SIK3: variants seen among roughly 807,000 people sequenced by gnomAD.
The protein encoded by SIK3 is SIK family kinase 3.
A neutral mutation model predicts 144.2 loss-of-function variants in SIK3; 28 were observed. The ratio of observed to expected loss-of-function variants is 0.19; its 90% CI spans 0.14 to 0.27. The LOEUF (loss-of-function observed/expected upper bound fraction) is 0.27, where lower values mean the gene tolerates loss of function less well. SIK3 is among the 10% of genes least tolerant of loss of function. The probability of loss-of-function intolerance (pLI) is 1.00; values close to 1 mark genes in which losing one functional copy is unlikely to be tolerated. For synonymous variants in SIK3, 686 were observed against 676.3 expected, an observed-to-expected ratio of 1.01 and a Z score of -0.22; for missense variants, 1,319 against 1,776.0, an observed-to-expected ratio of 0.74 and a Z score of 4.62.
chr11:116,901,381 C>G (rs905290051), intron 4 of SIK3, among the ~76,000 whole-genome samples: 2 of 152,160 alleles, frequency 1.3e-5, no homozygotes, highest in African/African-American at 4.8e-5. Context: ...CTGACAATGG[C>G]AGCTGGCCAG....
chr11:116,856,972 G>C (rs1290300238), intron 21 of SIK3: 1 of 152,168 alleles, frequency 6.6e-6, no homozygotes, highest in Middle Eastern at 3.2e-3. Flanking sequence ...GTGAGGAGTG[G>C]TAAATTGCAA....
intron 1 of SIK3, among the ~76,000 whole-genome samples, chr11:117,029,826 ATAAGG>A (rs1217763435): frequency 1.3e-5 from 2 of 151,844 alleles, no homozygotes; most frequent in Non-Finnish European, 2.9e-5. Flanking sequence ...GCTATGTAGC[ATAAGG>A]TAAAAATATC....
Position 116,856,100 on chromosome 11 carries a change from G to C in SIK3, c.3655+1710C>G, listed in dbSNP as rs149778858. ...TAGTCCCAGCTACTCGGGAGGCTGA[G>C]GCAGGAGAATGGCGTGAGCATTGTA... On this transcript the variant is annotated intron_variant, in intron 21 of 24. Coordinates refer to ENST00000445177, the MANE Select transcript of SIK3 (RefSeq NM_001366686.3). 3.2e-3 allele frequency among the ~76,000 whole-genome samples: 486 copies of C among 152,074 alleles called. 2 individuals are homozygous for C. Among genetic ancestry groups the C allele is most frequent in the African/African-American group, 0.011 (449 of 41,482 alleles).
chr11:116,965,782 T>A (rs867360143), intron 1 of SIK3, among the ~76,000 whole-genome samples: 30 of 117,376 alleles, frequency 2.6e-4, no homozygotes, highest in East Asian at 1.1e-3. Context: ...TATATATATA[T>A]AAATTAGCCA....
chr11:117,075,169 C>T (rs1305480446), intron 1 of SIK3, among the ~76,000 whole-genome samples: 1 of 152,138 alleles, frequency 6.6e-6, no homozygotes, highest in Non-Finnish European at 1.5e-5. Flanking sequence ...ATATCAACTG[C>T]CCCTGGGAAG....
intron 4 of SIK3, among the ~76,000 whole-genome samples, chr11:116,920,110 C>A (rs912733879): frequency 6.6e-6 from 1 of 151,252 alleles, no homozygotes; most frequent in African/African-American, 2.4e-5. Flanking sequence ...CCTGCCTTCT[C>A]GGGGAGACTC....
At position 116,858,600 on chromosome 11, in the gene SIK3, G is replaced by A; in HGVS notation, c.2865C>T (p.Ser955=). 1 of 1,613,026 alleles carries A rather than the reference G, an allele frequency of 6.2e-7. No individual in the cohort carries two copies. Among genetic ancestry groups the A allele is most frequent in the Non-Finnish European group, 8.5e-7 (1 of 1,179,502 alleles). ...GAGAGAACCCCACTCCTGTTGAAGG[G>A]CTGTAGCTGCTGGGGGAACCCCGGG... ...DQSRGSPSSY[S]PSTGVGFSPT... Residue 955 remains serine, a synonymous_variant, in exon 21 of 25, where the codon AGC becomes AGT. Coordinates refer to ENST00000445177, the MANE Select transcript of SIK3 (RefSeq NM_001366686.3). This position sits in a 1 kb window ranked among gnomAD's most constrained non-coding sequence, Gnocchi z 5.4.
At chr11:117,076,062 T>TG (rs1437515506) in intron 1 of SIK3, among the ~76,000 whole-genome samples, 1 of 151,644 alleles carries the variant, frequency 6.6e-6, no homozygotes, top group Admixed American at 6.6e-5. Context: ...TTGGCCAGGC[T>TG]GGTCTCCAAC....
chr11:116,876,006 A>G lies in SIK3; in HGVS notation c.1099T>C (p.Leu367=). The change falls in exon 9 of 25, where the codon TTA becomes CTA. Residue 367 remains leucine, a synonymous_variant. Coordinates refer to ENST00000445177, the MANE Select transcript of SIK3 (RefSeq NM_001366686.3). Reference sequence around the variant, plus strand: ...TAGTGATCATAGGCATCTGATCTTAATGACTACCAAGAGAGAAGGGAAAAG... The same window carrying G: ...TAGTGATCATAGGCATCTGATCTTAGTGACTACCAAGAGAGAAGGGAAAAG... ...GLDKEQTLQS[L]RSDAYDHYSA... 1 of 1,613,628 alleles carries G rather than the reference A, an allele frequency of 6.2e-7. No homozygotes were observed. The highest frequency in any genetic ancestry group is 8.5e-7 in the Non-Finnish European group (1 of 1,179,910).
intron 4 of SIK3, among the ~76,000 whole-genome samples, chr11:116,925,698 A>T (rs956513239): frequency 9.2e-5 from 14 of 152,270 alleles, no homozygotes; most frequent in Non-Finnish European, 1.9e-4. Context: ...TATTAATTTA[A>T]TTGAAGCTAC....
chr11:116,894,533 T>C (rs1158003209), intron 6 of SIK3, among the ~76,000 whole-genome samples: 1 of 152,218 alleles, frequency 6.6e-6, no homozygotes, highest in African/African-American at 2.4e-5. Context: ...AGTCTTTCTT[T>C]CATATCAAAT....
At chr11:116,861,714 T>C (rs1159291023) in intron 18 of SIK3, 127 bp downstream of exon 18, 1 of 677,146 alleles carries the variant, frequency 1.5e-6, no homozygotes, top group Admixed American at 3.0e-5. Context: ...TTACAGTGGT[T>C]TCTCTCCTTT....
intron 3 of SIK3, among the ~76,000 whole-genome samples, chr11:116,943,275 G>A (rs1948412369): frequency 1.3e-5 from 2 of 152,148 alleles, no homozygotes; most frequent in Admixed American, 6.5e-5. Flanking sequence ...TCAGAGCAGA[G>A]TTCACAGGGG....
chr11:116,978,024 C>G (rs1950010245), intron 1 of SIK3, among the ~76,000 whole-genome samples: 1 of 152,150 alleles, frequency 6.6e-6, no homozygotes, highest in African/African-American at 2.4e-5. Flanking sequence ...CGAGACCGTC[C>G]TGGCTAACAC....
chr11:116,928,504 A>G (rs147029707), intron 3 of SIK3, among the ~76,000 whole-genome samples: 13 of 152,252 alleles, frequency 8.5e-5, no homozygotes, highest in Admixed American at 5.9e-4. Context: ...CAGTTTTGGT[A>G]GAATACACAA....
intron 1 of SIK3, among the ~76,000 whole-genome samples, chr11:117,049,220 C>T (rs1334566665): frequency 6.6e-6 from 1 of 151,948 alleles, no homozygotes; most frequent in Non-Finnish European, 1.5e-5. Context: ...GTAGTTGATT[C>T]CAACCACCTC....
chr11:116,960,913 T>C (rs566606155), intron 1 of SIK3, among the ~76,000 whole-genome samples: 14 of 152,336 alleles, frequency 9.2e-5, no homozygotes, highest in African/African-American at 2.9e-4. Context: ...AGCAACATAA[T>C]CCTGGATCTG....
intron 1 of SIK3, among the ~76,000 whole-genome samples, chr11:117,014,918 G>A (rs976603967): frequency 6.6e-6 from 1 of 151,972 alleles, no homozygotes; most frequent in African/African-American, 2.4e-5. Context: ...ATGAAAATTA[G>A]CCGATCACGA....
rs1196169705 is a variant in SIK3, at chr11:117,003,892, C to CT, written c.274-46829dup. On this transcript the variant is annotated intron_variant, in intron 1 of 24. Transcript: ENST00000445177. ...TTGGTCCCCATTGCTGAACATTATA[C>CT]TTTAACGAGAAATGTTAAAACAAAC... 2.6e-5 allele frequency among the ~76,000 whole-genome samples: 4 copies of CT among 152,144 alleles called. No homozygotes were observed. In the East Asian group the frequency reaches 7.7e-4, roughly 29 times the overall value.
Sources: allele counts gnomAD v4.1 joint callset (sites outside exome capture counted in the v4.1 genomes callset), GRCh38; gene constraint gnomAD v4.1.1; non-coding constraint Gnocchi (gnomAD v3.1); transcripts MANE v1.5; gene names NCBI Gene and HGNC (gene_info 2026-07-23, HGNC 2026-07-21).